LPIN2: variants seen among roughly 807,000 people sequenced by gnomAD.
The protein encoded by LPIN2 is phosphatidate phosphatase LPIN2.
In LPIN2, 55 loss-of-function variants were observed where a neutral mutation model predicts 111.4. That is an observed-to-expected ratio of 0.49 (90% CI 0.40 to 0.62). The LOEUF (loss-of-function observed/expected upper bound fraction) is 0.62. Ranked by LOEUF, LPIN2 falls within the 20% of genes least tolerant of loss-of-function variation. The probability of loss-of-function intolerance (pLI) is 0.00; values close to 1 mark genes in which losing one functional copy is unlikely to be tolerated. For missense variants in LPIN2, 992 were observed against 1,112.1 expected (o/e 0.89, Z 1.54); for synonymous variants, 425 against 414.0 (o/e 1.03, Z -0.32).
At chr18:3,003,731 A>G (rs139666647) in intron 1 of LPIN2, among the ~76,000 whole-genome samples, 40 of 152,346 alleles carry the variant, frequency 2.6e-4, no homozygotes, top group African/African-American at 9.4e-4. Context: ...AACTGATTGT[A>G]AAACGTGTGT....
rs2077447779 is a variant in LPIN2, at chr18:2,946,118, T to G, written c.590+4937A>C. 1.9e-6 allele frequency: 3 copies of G among 1,584,196 alleles called. No homozygotes were observed. The East Asian group carries it at 6.7e-5, about 35-fold the overall frequency. The stretch of plus-strand genomic sequence containing the variant: ...TCATCATTGTCTTCTTTTCTTATTT[T>G]CTTCATTCCCTGATGACAGTTTAAG... On this transcript the variant is annotated intron_variant, in intron 4 of 19. Coordinates refer to ENST00000677752, the MANE Select transcript of LPIN2 (RefSeq NM_001375808.2).
intron 1 of LPIN2, among the ~76,000 whole-genome samples, chr18:2,982,369 T>A (rs2143378138): frequency 6.6e-6 from 1 of 152,292 alleles, no homozygotes; most frequent in African/African-American, 2.4e-5. Flanking sequence ...ACATAATTTT[T>A]AAAAATTCTC....
At chr18:2,941,560 C>G (rs1198241340) in intron 4 of LPIN2, among the ~76,000 whole-genome samples, 5 of 152,182 alleles carry the variant, frequency 3.3e-5, no homozygotes, top group African/African-American at 4.8e-5. Context: ...TTTGTCCTGT[C>G]TACTTCAGAG....
chr18:2,991,199 C>T (rs867557891), intron 1 of LPIN2: 15 of 198,230 alleles, frequency 7.6e-5, no homozygotes, highest in South Asian at 5.0e-4. Flanking sequence ...AAAGGTGCTC[C>T]CCCTTCCTAT....
chr18:2,921,293 G>A, intron 18 of LPIN2: 1 of 594,132 alleles, frequency 1.7e-6, no homozygotes, highest in Non-Finnish European at 3.0e-6. Flanking sequence ...AAATGGAATG[G>A]CAGCCACAGA....
At chr18:2,992,760 G>A (rs535002306) in intron 1 of LPIN2, among the ~76,000 whole-genome samples, 2 of 152,036 alleles carry the variant, frequency 1.3e-5, no homozygotes. Flanking sequence ...GAGGCGGGCA[G>A]ATCATGAGGT....
intron 1 of LPIN2, among the ~76,000 whole-genome samples, chr18:3,000,030 G>GT (rs57443537): frequency 0.68 from 97,179 of 142,736 alleles, 33,376 homozygotes; most frequent in East Asian, 0.91. Flanking sequence ...TCTCTGTTTT[G>GT]TTTTTTTTTT....
chr18:3,002,912 T>C (rs1404611860), intron 1 of LPIN2, among the ~76,000 whole-genome samples: 2 of 152,350 alleles, frequency 1.3e-5, no homozygotes, highest in Middle Eastern at 3.4e-3. Context: ...TCTATGACAC[T>C]ATCAGCTACT....
intron 7 of LPIN2, among the ~76,000 whole-genome samples, chr18:2,934,847 A>T (rs903748509): frequency 2.0e-5 from 3 of 152,250 alleles, no homozygotes; most frequent in Admixed American, 1.3e-4. Context: ...GTCTGGGCAC[A>T]GGATATTCAC....
chr18:2,950,924 C>A, intron 4 of LPIN2, 131 bp downstream of exon 4: 1 of 934,268 alleles, frequency 1.1e-6, no homozygotes, highest in Non-Finnish European at 1.7e-6. Flanking sequence ...CTGCTTGATT[C>A]CACAATAAAC....
At position 2,996,106 on chromosome 18, in the gene LPIN2, C is replaced by T. The variant is rs181964555; in HGVS notation, c.-10+16981G>A. 1.0e-3 allele frequency among the ~76,000 whole-genome samples: 154 copies of T among 152,108 alleles called. 2 individuals carry two copies. Among genetic ancestry groups the T allele is most frequent in the Admixed American group, 8.8e-3 (134 of 15,278 alleles). On this transcript the variant is annotated intron_variant, in intron 1 of 19. Coordinates refer to ENST00000677752, the MANE Select transcript of LPIN2 (RefSeq NM_001375808.2). Reference sequence around the variant, plus strand: ...CTATAATCCCAGCATTTTGGGAGGCCGAGGCGGGCGGATCATGAGGTCAGG... The same window carrying T: ...CTATAATCCCAGCATTTTGGGAGGCTGAGGCGGGCGGATCATGAGGTCAGG...
intron 1 of LPIN2, among the ~76,000 whole-genome samples, chr18:2,967,921 C>T (rs1451350934): frequency 6.6e-6 from 1 of 152,164 alleles, no homozygotes; most frequent in Non-Finnish European, 1.5e-5. Context: ...CAAGAACAAC[C>T]TGGCCTACCC....
chr18:2,972,425 A>G (rs766561347), intron 1 of LPIN2: 3 of 152,330 alleles, frequency 2.0e-5, no homozygotes, highest in Non-Finnish European at 4.4e-5. Context: ...GTGAAACACA[A>G]CCACAAAGTT....
chr18:2,937,895 C>T lies in LPIN2; in HGVS notation c.965G>A (p.Cys322Tyr). ...TCTGGGTTTGGGCTTCACTATGGTA[C>T]AGACAGTGTCTTCCATGGAAGCATC... ...EKDASMEDTVCTIVKPKPRAL... is the reference protein window; with the variant it reads ...EKDASMEDTVYTIVKPKPRAL... The change falls in exon 7 of 20, where the codon TGT (cysteine) becomes TAT (tyrosine). Residue 322 changes from cysteine to tyrosine, a missense_variant. This residue lies in a region of LPIN2 where 709 missense variants were observed against 753.2 expected (regional missense o/e 0.94). Transcript: ENST00000677752. The T allele has an allele frequency of 6.2e-7, 1 of 1,614,164 alleles. No individual in the cohort carries two copies.
chr18:2,951,495 T>G (rs1414857564), intron 3 of LPIN2, 139 bp from the exon 4 acceptor site: 2 of 769,124 alleles, frequency 2.6e-6, no homozygotes, highest in Non-Finnish European at 4.2e-6. Context: ...AAAGTCCCAC[T>G]GAACTAAGGC....
intron 7 of LPIN2, among the ~76,000 whole-genome samples, chr18:2,936,171 A>G (rs1335936511): frequency 6.6e-6 from 1 of 152,168 alleles, no homozygotes; most frequent in Non-Finnish European, 1.5e-5. Context: ...CATACCTAAT[A>G]TATATTAAGT....
At position 2,937,911 on chromosome 18, in the gene LPIN2, T is replaced by C. The variant is rs2077312476; in HGVS notation, c.949A>G (p.Met317Val). 1 of 1,614,180 alleles carries C rather than the reference T, an allele frequency of 6.2e-7. No homozygotes were observed. The highest frequency in any genetic ancestry group is 8.5e-7 in the Non-Finnish European group (1 of 1,180,028). ...LISEVEKDAS[M>V]EDTVCTIVKP... ...ACTATGGTACAGACAGTGTCTTCCATGGAAGCATCCTTCTCAACTTCACTG... is the reference window on the plus strand; with the variant it reads ...ACTATGGTACAGACAGTGTCTTCCACGGAAGCATCCTTCTCAACTTCACTG... Residue 317 changes from methionine (M) to valine (V), a missense_variant, in exon 7 of 20, where the codon ATG becomes GTG. Around this residue, in one of 4 missense-constraint regions of LPIN2, gnomAD observed 709 missense variants for 753.2 expected, o/e 0.94. Transcript: ENST00000677752.
chr18:2,993,885 C>T (rs1227858441), intron 1 of LPIN2, among the ~76,000 whole-genome samples: 1 of 152,180 alleles, frequency 6.6e-6, no homozygotes, highest in African/African-American at 2.4e-5. Flanking sequence ...ACCGACACAA[C>T]CATACACAGA....
chr18:2,960,635 T>C lies in LPIN2; in HGVS notation c.192+14A>G. ...AATCTCAGGATGACTTTTCCTCTCC[T>C]TGAGGACACTCACCACTTTCTCTTT... On this transcript the variant is annotated intron_variant, in intron 2 of 19. Coordinates refer to ENST00000677752, the MANE Select transcript of LPIN2 (RefSeq NM_001375808.2). 1 of 1,613,684 alleles carries C rather than the reference T, an allele frequency of 6.2e-7. No homozygotes were observed. The highest frequency in any genetic ancestry group is 8.5e-7 in the Non-Finnish European group (1 of 1,179,750).
Sources: gnomAD v4.1 joint callset for allele counts (sites outside exome capture counted in the v4.1 genomes callset) on GRCh38, gnomAD v4.1.1 for gene constraint, gnomAD v4.1.1 regional missense constraint, MANE v1.5 for transcripts, NCBI Gene and HGNC (gene_info 2026-07-23, HGNC 2026-07-21) for gene names.